Variants in TMEM163 observed in about 807,000 individuals in gnomAD.
TMEM163 encodes the protein transmembrane protein 163.
TMEM163 carries 17 observed loss-of-function variants against 29.3 expected under a neutral mutation model. The ratio of observed to expected loss-of-function variants is 0.58; its 90% confidence interval spans 0.40 to 0.87. The LOEUF (loss-of-function observed/expected upper bound fraction) is 0.87. TMEM163 is among the 40% of genes least tolerant of loss of function. The probability of loss-of-function intolerance (pLI) is 0.00; values close to 1 mark genes in which losing one functional copy is unlikely to be tolerated. For missense variants in TMEM163, 303 were observed against 381.5 expected (o/e 0.79, Z 1.71); for synonymous variants, 157 against 160.6 (o/e 0.98, Z 0.17).
chr2:134,691,867 C>T (rs1684476877), intron 2 of TMEM163, among the ~76,000 whole-genome samples: 1 of 152,186 alleles, frequency 6.6e-6, no homozygotes, highest in Non-Finnish European at 1.5e-5. Flanking sequence ...TTGTACAATC[C>T]TTGCTCCACA....
intron 2 of TMEM163, among the ~76,000 whole-genome samples, chr2:134,617,973 G>T (rs989389898): frequency 6.6e-6 from 1 of 151,966 alleles, no homozygotes; most frequent in Non-Finnish European, 1.5e-5. Context: ...CATTAGCCAG[G>T]CATAGTGGCA....
chr2:134,595,101 A>G (rs1682040443), intron 2 of TMEM163, among the ~76,000 whole-genome samples: 1 of 151,382 alleles, frequency 6.6e-6, no homozygotes, highest in Admixed American at 6.6e-5. Flanking sequence ...ATTTTTATTT[A>G]TTTTTTATTT....
At chr2:134,568,425 G>T (rs1030809050) in intron 2 of TMEM163, among the ~76,000 whole-genome samples, 4 of 152,094 alleles carry the variant, frequency 2.6e-5, no homozygotes, top group Non-Finnish European at 5.9e-5. Context: ...TACTTGGGAG[G>T]CTGAGACAGG....
At chr2:134,525,726 T>C (rs1378670659) in intron 4 of TMEM163, among the ~76,000 whole-genome samples, 4 of 152,200 alleles carry the variant, frequency 2.6e-5, no homozygotes, top group Admixed American at 2.6e-4. Context: ...CTTCCCTGTC[T>C]AACACTCCCA....
intron 2 of TMEM163, among the ~76,000 whole-genome samples, chr2:134,575,053 G>T (rs1473492619): frequency 1.3e-5 from 2 of 151,914 alleles, no homozygotes; most frequent in African/African-American, 4.8e-5. Flanking sequence ...GTGGGGGGGT[G>T]GGGGAAGGGG....
At chr2:134,574,176 G>A (rs1558950159) in intron 2 of TMEM163, among the ~76,000 whole-genome samples, 1 of 152,210 alleles carries the variant, frequency 6.6e-6, no homozygotes, top group Admixed American at 6.5e-5. Context: ...CAGAGCGGGT[G>A]CATACTATAA....
chr2:134,539,672 T>G (rs1680620764), intron 4 of TMEM163, among the ~76,000 whole-genome samples: 2 of 152,344 alleles, frequency 1.3e-5, no homozygotes, highest in Middle Eastern at 3.4e-3. Flanking sequence ...GGTATTGATT[T>G]GTAGTCAATG....
rs79651195 is a variant in TMEM163 at position 134,510,510 on chromosome 2, C to T, written c.459-7513G>A. 2.4e-4 allele frequency among the ~76,000 whole-genome samples: 37 copies of T among 152,116 alleles called. No individual in the cohort carries two copies. In the East Asian group the frequency reaches 2.9e-3, roughly 12 times the overall value. ...GCCTGGAAGACAATGTCAATGGCCA[C>T]GAAAGCAAACTGATGACTCTACGCA... is the stretch of plus-strand genomic sequence containing the variant. On this transcript the variant is annotated intron_variant, in intron 4 of 7. Transcript: ENST00000281924.
At chr2:134,712,309 C>T (rs1233875235) in intron 2 of TMEM163, among the ~76,000 whole-genome samples, 2 of 152,224 alleles carry the variant, frequency 1.3e-5, no homozygotes, top group African/African-American at 4.8e-5. Flanking sequence ...TTAAACAACA[C>T]ACACACATAG....
intron 4 of TMEM163, among the ~76,000 whole-genome samples, chr2:134,534,708 C>T (rs1680493326): frequency 1.3e-5 from 2 of 151,956 alleles, no homozygotes; most frequent in South Asian, 2.1e-4. Flanking sequence ...GAACCGAGAT[C>T]GCACCTCTGC....
chr2:134,650,798 G>C (rs1683457946), intron 2 of TMEM163, among the ~76,000 whole-genome samples: 1 of 133,718 alleles, frequency 7.5e-6, no homozygotes, highest in Non-Finnish European at 1.5e-5. Context: ...GCGGTGTTTG[G>C]TTTTTTGTTC....
rs116380922 is a variant in TMEM163, at chr2:134,706,851, G to A, written c.322+6349C>T. On this transcript the variant is annotated intron_variant, in intron 2 of 7. Transcript: ENST00000281924. Reference sequence around the variant, plus strand: ...AGGGGCCTGTCTGAAATATGCGTCCGTACTCCGTGTGCTGTCTGAGCTCAC... The same window carrying A: ...AGGGGCCTGTCTGAAATATGCGTCCATACTCCGTGTGCTGTCTGAGCTCAC... Among the ~76,000 whole-genome samples, 570 of 152,292 alleles carry A rather than the reference G, an allele frequency of 3.7e-3. 5 individuals are homozygous for A. Among genetic ancestry groups the A allele is most frequent in the African/African-American group, 0.013 (534 of 41,562 alleles).
At chr2:134,462,114 GC>G (rs1351315475) in intron 6 of TMEM163, among the ~76,000 whole-genome samples, 1 of 152,052 alleles carries the variant, frequency 6.6e-6, no homozygotes, top group African/African-American at 2.4e-5. Context: ...AGAGCACAGG[GC>G]CCCCTGGGAA....
chr2:134,539,088 T>C (rs902908646), intron 4 of TMEM163, among the ~76,000 whole-genome samples: 4 of 152,294 alleles, frequency 2.6e-5, no homozygotes, highest in Admixed American at 2.0e-4. Flanking sequence ...CTACTTTAGG[T>C]CAAACACTGT....
chr2:134,501,987 C>T (rs987905631), intron 5 of TMEM163, among the ~76,000 whole-genome samples: 1 of 152,164 alleles, frequency 6.6e-6, no homozygotes, highest in Non-Finnish European at 1.5e-5. Flanking sequence ...ACTTTCATGC[C>T]TCTACTAAAT....
At chr2:134,566,676 A>C (rs1681307429) in intron 2 of TMEM163, among the ~76,000 whole-genome samples, 1 of 152,218 alleles carries the variant, frequency 6.6e-6, no homozygotes, top group South Asian at 2.1e-4. Flanking sequence ...ATGTTTATCA[A>C]AATGTAAGAT....
intron 2 of TMEM163, among the ~76,000 whole-genome samples, chr2:134,675,082 A>C (rs917511426): frequency 2.6e-5 from 4 of 152,238 alleles, no homozygotes; most frequent in African/African-American, 9.6e-5. Flanking sequence ...ATTCAGGTTG[A>C]CAGGATTAAG....
chr2:134,616,127 G>T (rs143649421), intron 2 of TMEM163, among the ~76,000 whole-genome samples: 142 of 152,310 alleles, frequency 9.3e-4, no homozygotes, highest in African/African-American at 3.3e-3. Context: ...AAGTGGACTG[G>T]TCAAGAGCAA....
chr2:134,570,683 A>G (rs1481500272), intron 2 of TMEM163, among the ~76,000 whole-genome samples: 1 of 152,142 alleles, frequency 6.6e-6, no homozygotes, highest in Non-Finnish European at 1.5e-5. Flanking sequence ...AGAGTGTCCC[A>G]TTCCCTGGAC....
Sources: allele counts gnomAD v4.1 joint callset (sites outside exome capture counted in the v4.1 genomes callset), GRCh38; gene constraint gnomAD v4.1.1; transcripts MANE v1.5; gene names NCBI Gene and HGNC (gene_info 2026-07-23, HGNC 2026-07-21).